FARS2: variants seen among roughly 807,000 people sequenced by gnomAD.
FARS2 encodes the protein phenylalanyl-tRNA synthetase 2, mitochondrial, also known as phenylalanine--tRNA ligase, mitochondrial.
Under a neutral mutation model 46.4 loss-of-function variants are expected in FARS2, and 40 were observed. The ratio of observed to expected loss-of-function variants is 0.86; its 90% confidence interval spans 0.67 to 1.12. The LOEUF is 1.12. Ranked by LOEUF, FARS2 falls within the 50% of genes most tolerant of loss-of-function variation. FARS2 has a pLI of 0.00. For missense variants in FARS2, 513 were observed against 567.9 expected, an observed-to-expected ratio of 0.90 and a Z score of 0.98; for synonymous variants, 234 against 214.9, an observed-to-expected ratio of 1.09 and a Z score of -0.78.
intron 6 of FARS2, among the ~76,000 whole-genome samples, chr6:5,683,795 G>C (rs879695814): frequency 4.6e-5 from 7 of 151,892 alleles, no homozygotes; most frequent in African/African-American, 1.7e-4. Flanking sequence ...GACAGGCCCC[G>C]GTATGTGATG....
rs114438996 is a variant in FARS2, at chr6:5,322,679, A to G, written c.-21-45871A>G. ...TTGGTGTTCTGGTGACAGCCGTCAC[A>G]CAGAGGGACAGTGGGGCTTGCAGAG... On this transcript the variant is annotated intron_variant, in intron 1 of 6. Coordinates refer to ENST00000274680, the MANE Select transcript of FARS2 (RefSeq NM_006567.5). Among the ~76,000 whole-genome samples the G allele has an allele frequency of 4.3e-3, 661 of 152,270 alleles. 2 individuals carry two copies. Among genetic ancestry groups the G allele is most frequent in the African/African-American group, 0.015 (626 of 41,562 alleles).
chr6:5,690,903 A>T (rs910513218), intron 6 of FARS2, among the ~76,000 whole-genome samples: 2 of 152,216 alleles, frequency 1.3e-5, no homozygotes, highest in South Asian at 4.2e-4. Context: ...ATTTATTTTT[A>T]TTCTTTTTTC....
intron 1 of FARS2, among the ~76,000 whole-genome samples, chr6:5,265,270 A>C (rs1765475627): frequency 6.6e-6 from 1 of 152,226 alleles, no homozygotes; most frequent in African/African-American, 2.4e-5. Flanking sequence ...TAAAGATTGC[A>C]GTGTATATCC....
chr6:5,413,510 CCTT>C (rs1187436892), intron 3 of FARS2, among the ~76,000 whole-genome samples: 3 of 152,114 alleles, frequency 2.0e-5, no homozygotes, highest in Admixed American at 1.3e-4. Context: ...GGAAGATTCT[CCTT>C]CTACTCTTTA....
chr6:5,532,783 T>TAAGAAGAAGAAG (rs756604628), intron 4 of FARS2, among the ~76,000 whole-genome samples: 51 of 138,750 alleles, frequency 3.7e-4, no homozygotes, highest in African/African-American at 1.3e-3. Flanking sequence ...ATAATAATAA[T>TAAGAAGAAGAAG]AAGAAGAAGA....
intron 6 of FARS2, among the ~76,000 whole-genome samples, chr6:5,721,893 C>G (rs1280338132): frequency 6.6e-6 from 1 of 152,196 alleles, no homozygotes; most frequent in African/African-American, 2.4e-5. Flanking sequence ...ATCTCAGATG[C>G]ACATTTCCTT....
chr6:5,355,556 A>G (rs1757863282), intron 1 of FARS2, among the ~76,000 whole-genome samples: 2 of 151,794 alleles, frequency 1.3e-5, no homozygotes, highest in Non-Finnish European at 2.9e-5. Flanking sequence ...ATGGGGTTTC[A>G]CCATGCTGGC....
At chr6:5,622,849 C>T (rs1323233055) in intron 6 of FARS2, among the ~76,000 whole-genome samples, 2 of 152,166 alleles carry the variant, frequency 1.3e-5, no homozygotes, top group African/African-American at 2.4e-5. Flanking sequence ...AGCTCATTTT[C>T]GTCTTCCTGC....
intron 4 of FARS2, among the ~76,000 whole-genome samples, chr6:5,540,429 G>A (rs1005753658): frequency 6.6e-6 from 1 of 152,086 alleles, no homozygotes; most frequent in East Asian, 1.9e-4. Context: ...TTCTTCTTCC[G>A]TACGCCTTTA....
upstream of FARS2, among the ~76,000 whole-genome samples, chr6:5,256,686 C>T (rs1269599733): frequency 6.6e-6 from 1 of 151,954 alleles, no homozygotes; most frequent in East Asian, 1.9e-4. Context: ...CTGCAGTGCT[C>T]ATCACTCCTC....
At chr6:5,420,300 C>A (rs1331018261) in intron 3 of FARS2, among the ~76,000 whole-genome samples, 1 of 152,202 alleles carries the variant, frequency 6.6e-6, no homozygotes, top group East Asian at 1.9e-4. Flanking sequence ...CCTCCCAAAT[C>A]TCATGTCCTC....
chr6:5,433,037 C>T (rs957827724), intron 4 of FARS2, among the ~76,000 whole-genome samples: 4 of 152,204 alleles, frequency 2.6e-5, no homozygotes, highest in African/African-American at 4.8e-5. Context: ...CTGGAAGCTT[C>T]GTGGGCAGTT....
chr6:5,495,729 G>C (rs1767423466), intron 4 of FARS2, among the ~76,000 whole-genome samples: 1 of 152,186 alleles, frequency 6.6e-6, no homozygotes, highest in South Asian at 2.1e-4. Context: ...CTTGTGATTG[G>C]CTTGATCCAT....
intron 4 of FARS2, among the ~76,000 whole-genome samples, chr6:5,519,577 G>T (rs1769007801): frequency 6.6e-6 from 1 of 152,170 alleles, no homozygotes; most frequent in South Asian, 2.1e-4. Flanking sequence ...CAAAAATAAG[G>T]CTATTAATTT....
Position 5,652,626 on chromosome 6 carries a change from TC to T in FARS2, c.1217+39308del, listed in dbSNP as rs371457463. On this transcript the variant is annotated intron_variant, in intron 6 of 6. Transcript: ENST00000274680. ...GGCCTTCATTTCTCGCTTGCCAACT[TC>T]CAGGGAAGGACAGAAAAGCAGGGGA... Among the ~76,000 whole-genome samples, 449 of 152,326 alleles carry T rather than the reference TC, an allele frequency of 2.9e-3. 3 individuals are homozygous for T. The highest frequency in any genetic ancestry group is 0.011 in the African/African-American group (439 of 41,568).
chr6:5,306,670 T>C (rs945194705), intron 1 of FARS2, among the ~76,000 whole-genome samples: 3 of 152,220 alleles, frequency 2.0e-5, no homozygotes, highest in Admixed American at 6.5e-5. Context: ...TAAGCCACTT[T>C]CTTTCTGGGA....
At chr6:5,707,980 G>A (rs6939091) in intron 6 of FARS2, among the ~76,000 whole-genome samples, 65,290 of 152,044 alleles carry the variant, frequency 0.43, 14,999 homozygotes, top group East Asian at 0.85. Context: ...CTTAGGGACT[G>A]CCTCACAGGG....
intron 4 of FARS2, among the ~76,000 whole-genome samples, chr6:5,535,759 A>G (rs1770152885): frequency 6.6e-6 from 1 of 152,210 alleles, no homozygotes; most frequent in African/African-American, 2.4e-5. Flanking sequence ...ACTTTGTCAG[A>G]TGCATTCACT....
At chr6:5,377,034 T>C (rs984703294) in intron 2 of FARS2, among the ~76,000 whole-genome samples, 2 of 152,216 alleles carry the variant, frequency 1.3e-5, no homozygotes, top group Admixed American at 6.5e-5. Context: ...GAGACTTACA[T>C]GTTTGAGAAC....
Sources: allele counts gnomAD v4.1 joint callset (sites outside exome capture counted in the v4.1 genomes callset), GRCh38; gene constraint gnomAD v4.1.1; transcripts MANE v1.5; gene names NCBI Gene and HGNC (gene_info 2026-07-23, HGNC 2026-07-21).